HIPK3: variants seen among roughly 807,000 people sequenced by gnomAD.
The protein encoded by HIPK3 is homeodomain-interacting protein kinase 3.
In HIPK3, 47 loss-of-function variants were observed where a neutral mutation model predicts 124.2. That is an observed-to-expected ratio of 0.38 (90% CI 0.30 to 0.48). The LOEUF (loss-of-function observed/expected upper bound fraction) is 0.48, where lower values mean the gene tolerates loss of function less well. Among genes scored for constraint, HIPK3 ranks in the 20% least tolerant of loss-of-function variants. HIPK3 has a pLI of 0.98. For missense variants in HIPK3, 1,286 were observed against 1,454.3 expected (o/e 0.88, Z 1.88); for synonymous variants, 482 against 515.2 (o/e 0.94, Z 0.87).
At chr11:33,321,166 T>G (rs1403511168) in intron 2 of HIPK3, among the ~76,000 whole-genome samples, 5 of 152,114 alleles carry the variant, frequency 3.3e-5, no homozygotes, top group African/African-American at 1.2e-4. Context: ...GCAGGTAGAT[T>G]AATAATCAGC....
intron 2 of HIPK3, among the ~76,000 whole-genome samples, chr11:33,324,767 T>G (rs554124162): frequency 6.6e-6 from 1 of 152,290 alleles, no homozygotes; most frequent in Non-Finnish European, 1.5e-5. Context: ...ATCCGAGACT[T>G]TCTCATAACT....
intron 2 of HIPK3, among the ~76,000 whole-genome samples, chr11:33,315,268 C>T (rs1852465812): frequency 6.6e-6 from 1 of 152,150 alleles, no homozygotes; most frequent in African/African-American, 2.4e-5. Flanking sequence ...GCTCTGTTAC[C>T]CAGGCTGGAG....
At position 33,341,646 on chromosome 11, in the gene HIPK3, T is replaced by A. The variant is rs1482672369; in HGVS notation, c.1857T>A (p.Ala619=). ...AGTAQFGCGD[A]FQQTLIICPP... is the part of the protein sequence containing the mutation. ...CTGCTCAGTTTGGTTGTGGTGATGC[T>A]TTTCAGCAGACATTGATTATCTGTC... Residue 619 remains alanine, a synonymous_variant, in exon 8 of 17, where the codon GCT becomes GCA. Coordinates refer to ENST00000303296, the MANE Select transcript of HIPK3 (RefSeq NM_005734.5). The A allele has an allele frequency of 6.2e-7, 1 of 1,613,614 alleles. No individual in the cohort carries two copies. Among genetic ancestry groups the A allele is most frequent in the East Asian group, 2.2e-5 (1 of 44,866 alleles).
In HIPK3 at chr11:33,347,978, T is replaced by C; in HGVS notation, c.2271T>C (p.Pro757=). Residue 757 remains proline (P), a synonymous_variant, in exon 11 of 17, where the codon CCT becomes CCC. Transcript: ENST00000303296. Reference sequence around the variant, plus strand: ...TTGCACATGTTGTCTGGCCTCAGCCTGCCACTACCAAGAAAAATAAACAGT... The same window carrying C: ...TTGCACATGTTGTCTGGCCTCAGCCCGCCACTACCAAGAAAAATAAACAGT... The part of the protein sequence containing the change: ...VGIAHVVWPQ[P]ATTKKNKQCQ... 1 of 1,614,224 alleles carries C rather than the reference T, an allele frequency of 6.2e-7. No individual in the cohort carries two copies. Among genetic ancestry groups the C allele is most frequent in the Admixed American group, 1.7e-5 (1 of 60,026 alleles).
intron 14 of HIPK3, among the ~76,000 whole-genome samples, chr11:33,350,248 A>G (rs746655390): frequency 2.6e-5 from 4 of 152,162 alleles, no homozygotes; most frequent in African/African-American, 9.7e-5. Context: ...TTTTTCTCCC[A>G]TTGGTGACTG....
At chr11:33,280,355 T>C (rs1248297705) in intron 1 of HIPK3, among the ~76,000 whole-genome samples, 2 of 152,110 alleles carry the variant, frequency 1.3e-5, no homozygotes, top group African/African-American at 4.8e-5. Flanking sequence ...CTTTGTAAAA[T>C]CCATAAACAC....
At chr11:33,335,926 CAA>C (rs201473900) in intron 3 of HIPK3, among the ~76,000 whole-genome samples, 1,562 of 152,160 alleles carry the variant, frequency 0.01, 8 homozygotes, top group Non-Finnish European at 0.015. Context: ...GTGGGGGAAT[CAA>C]TATTTCAGGG....
chr11:33,348,395 G>A, intron 12 of HIPK3, 127 bp from the exon 13 acceptor site: 1 of 1,007,214 alleles, frequency 9.9e-7, no homozygotes, highest in Non-Finnish European at 1.4e-6. Context: ...CTCAAGATCT[G>A]TTAGTGTGTT....
intron 2 of HIPK3, among the ~76,000 whole-genome samples, chr11:33,313,153 T>C (rs940415646): frequency 2.0e-5 from 3 of 152,176 alleles, no homozygotes; most frequent in African/African-American, 7.2e-5. Context: ...AATTTTCTTA[T>C]GAGAAAATAT....
At chr11:33,331,549 A>AT (rs1473063215) in intron 3 of HIPK3, among the ~76,000 whole-genome samples, 3 of 151,914 alleles carry the variant, frequency 2.0e-5, no homozygotes, top group Non-Finnish European at 4.4e-5. Context: ...CTCATTTTTA[A>AT]TTTTTTGTAG....
At chr11:33,347,505 G>C in intron 9 of HIPK3, 91 bp downstream of exon 9, 1 of 1,580,534 alleles carries the variant, frequency 6.3e-7, no homozygotes, top group Non-Finnish European at 8.6e-7. Flanking sequence ...CCATTTTGTA[G>C]GTTATGGACT....
chr11:33,279,308 G>C (rs1851350686), intron 1 of HIPK3, among the ~76,000 whole-genome samples: 1 of 129,722 alleles, frequency 7.7e-6, no homozygotes, highest in African/African-American at 3.0e-5. Flanking sequence ...AGGCAACAGA[G>C]GGAGACTCTT....
chr11:33,352,956 C>G (rs551979699), intron 16 of HIPK3, 136 bp from the exon 17 acceptor site: 215 of 572,910 alleles, frequency 3.8e-4, no homozygotes, highest in African/African-American at 3.7e-3. Flanking sequence ...TCTAGTTATT[C>G]TTAGTATAAG....
rs1483650478 is a variant in HIPK3, at chr11:33,347,627, A to C, written c.2020-2A>C. 1 of 1,612,644 alleles carries C rather than the reference A, an allele frequency of 6.2e-7. No homozygotes were observed. Among genetic ancestry groups the C allele is most frequent in the African/African-American group, 1.3e-5 (1 of 75,040 alleles). Reference sequence around the variant, plus strand: ...TCTATTGTTTTGCTTTGCTGCAAGCAGACGTGGTCTGGTAGAACACAGCAG... The same window carrying C: ...TCTATTGTTTTGCTTTGCTGCAAGCCGACGTGGTCTGGTAGAACACAGCAG... On this transcript the variant is annotated splice_acceptor_variant, in intron 9 of 16. Transcript: ENST00000303296. LOFTEE classifies it high-confidence loss of function.
chr11:33,327,603 G>T (rs1175895405), intron 2 of HIPK3, among the ~76,000 whole-genome samples: 1 of 152,168 alleles, frequency 6.6e-6, no homozygotes, highest in Non-Finnish European at 1.5e-5. Flanking sequence ...TTGTGGTTAT[G>T]TAGGAGAATA....
intron 4 of HIPK3, among the ~76,000 whole-genome samples, chr11:33,337,759 C>T (rs759632057): frequency 6.6e-6 from 1 of 151,972 alleles, no homozygotes; most frequent in African/African-American, 2.4e-5. Context: ...CTGCAACCTC[C>T]ACCTCCCAGG....
intron 1 of HIPK3, among the ~76,000 whole-genome samples, chr11:33,282,498 A>C (rs978661464): frequency 1.3e-5 from 2 of 152,176 alleles, no homozygotes; most frequent in Non-Finnish European, 2.9e-5. Flanking sequence ...CTTGGCCAAC[A>C]TGACAAAACC....
chr11:33,325,004 T>G (rs911851236), intron 2 of HIPK3, among the ~76,000 whole-genome samples: 1 of 152,230 alleles, frequency 6.6e-6, no homozygotes, highest in Non-Finnish European at 1.5e-5. Flanking sequence ...TAAAACTCTT[T>G]TGTATTTTAA....
chr11:33,316,179 C>A (rs1011883523), intron 2 of HIPK3, among the ~76,000 whole-genome samples: 4 of 152,098 alleles, frequency 2.6e-5, no homozygotes, highest in African/African-American at 9.7e-5. Context: ...GTTTTGAAAT[C>A]TGTCTACCTT....
Sources: allele counts gnomAD v4.1 joint callset (sites outside exome capture counted in the v4.1 genomes callset), GRCh38; gene constraint gnomAD v4.1.1; transcripts MANE v1.5; gene names NCBI Gene and HGNC (gene_info 2026-07-23, HGNC 2026-07-21).